Variants in UBE3C observed in about 807,000 individuals in gnomAD.
UBE3C encodes the protein ubiquitin protein ligase E3C.
Under a neutral mutation model 129.4 loss-of-function variants are expected in UBE3C, and 42 were observed. The observed-to-expected ratio is 0.32, with a 90% CI of 0.25 to 0.42. The LOEUF is 0.42. Ranked by LOEUF, UBE3C falls within the 10% of genes least tolerant of loss-of-function variation. UBE3C has a pLI of 1.00. For missense variants in UBE3C, 1,049 were observed against 1,319.1 expected (o/e 0.80, Z 3.17); for synonymous variants, 510 against 492.4 (o/e 1.04, Z -0.47).
intron 1 of UBE3C, among the ~76,000 whole-genome samples, chr7:157,146,229 A>G (rs1807600009): frequency 1.3e-5 from 2 of 151,750 alleles, no homozygotes; most frequent in Admixed American, 1.3e-4. Context: ...AGTTGGCTAT[A>G]TTTTTATGGA....
At chr7:157,171,145 A>G (rs1203331382) in intron 4 of UBE3C, among the ~76,000 whole-genome samples, 3 of 152,006 alleles carry the variant, frequency 2.0e-5, no homozygotes, top group Non-Finnish European at 4.4e-5. Flanking sequence ...GCACTGAGGG[A>G]GTAGAGCCTT....
intron 10 of UBE3C, among the ~76,000 whole-genome samples, chr7:157,200,435 A>G (rs1809248935): frequency 6.6e-6 from 1 of 152,202 alleles, no homozygotes; most frequent in Non-Finnish European, 1.5e-5. Flanking sequence ...CCAATCAAAT[A>G]TGAGATTTTT....
At chr7:157,253,254 C>G (rs1205671888) in intron 19 of UBE3C, among the ~76,000 whole-genome samples, 7 of 152,212 alleles carry the variant, frequency 4.6e-5, no homozygotes, top group Non-Finnish European at 4.4e-5. Context: ...ACTTGTCTGT[C>G]ATACAAGTGG....
At position 157,267,800 on chromosome 7, in the gene UBE3C, TC is replaced by T. The variant is rs1797121369; in HGVS notation, c.*46del. 1.3e-6 allele frequency: 2 copies of T among 1,508,708 alleles called. No homozygotes were observed. The highest frequency in any genetic ancestry group is 4.8e-5 in the East Asian group (2 of 41,300). 93.5% of individuals were successfully genotyped at this position (1,508,708 alleles called of 1,614,324 possible). On this transcript the variant is annotated 3_prime_UTR_variant, in exon 23 of 23. Coordinates refer to ENST00000348165, the MANE Select transcript of UBE3C (RefSeq NM_014671.3). ...CCCCTACAGAGAACCAGTGCTTCCT[TC>T]GTCAGCAGCGCCTCCCCAGACCCAC...
Position 157,201,637 on chromosome 7 carries a change from C to CTT in UBE3C, c.1332-64_1332-63dup, listed in dbSNP as rs10713758. On this transcript the variant is annotated intron_variant, in intron 10 of 22. Coordinates refer to ENST00000348165, the MANE Select transcript of UBE3C (RefSeq NM_014671.3). ...TTGTACGTTGATCTTCAGTGTATCG[C>CTT]TTTTTTTTTTTTTTTTTTTTTAAGA... 3.3e-3 allele frequency: 744 copies of CTT among 222,980 alleles called. 10 individuals carry two copies. The highest frequency in any genetic ancestry group is 0.016 in the African/African-American group (301 of 18,934). 13.8% of individuals were successfully genotyped at this position (222,980 alleles called of 1,614,324 possible). A position where few individuals can be genotyped will look rare whatever the true frequency, so the allele number is the denominator to read the frequency against.
intron 4 of UBE3C, among the ~76,000 whole-genome samples, chr7:157,174,332 G>A (rs1297202645): frequency 6.6e-6 from 1 of 152,150 alleles, no homozygotes; most frequent in Non-Finnish European, 1.5e-5. Context: ...ACAGATTTCT[G>A]ATATTTGCAA....
intron 16 of UBE3C, 134 bp from the exon 17 acceptor site, chr7:157,225,273 T>G (rs1419070973): frequency 2.1e-6 from 2 of 973,894 alleles, no homozygotes; most frequent in Non-Finnish European, 2.9e-6. Flanking sequence ...AAAATCAAGA[T>G]TTGATACCTT....
At chr7:157,184,665 G>C (rs184892454) in intron 9 of UBE3C, among the ~76,000 whole-genome samples, 16 of 152,280 alleles carry the variant, frequency 1.1e-4, no homozygotes, top group African/African-American at 2.9e-4. Flanking sequence ...TTACTACTAA[G>C]TGTAATCACA....
intron 10 of UBE3C, among the ~76,000 whole-genome samples, chr7:157,193,287 T>TCAG (rs3839845): frequency 0.49 from 74,124 of 151,884 alleles, 21,284 homozygotes; most frequent in African/African-American, 0.81. Flanking sequence ...AAGAAAAATT[T>TCAG]CAGAAGAACA....
intron 18 of UBE3C, among the ~76,000 whole-genome samples, chr7:157,244,380 G>T (rs190349952): frequency 6.6e-6 from 1 of 152,086 alleles, no homozygotes; most frequent in Non-Finnish European, 1.5e-5. Flanking sequence ...ATTAAATAGC[G>T]TGTTGCTATT....
chr7:157,177,723 C>T (rs1808558730), intron 5 of UBE3C, among the ~76,000 whole-genome samples: 1 of 152,202 alleles, frequency 6.6e-6, no homozygotes, highest in Admixed American at 6.5e-5. Flanking sequence ...CCCCCTGTCT[C>T]TCCTGGGCTT....
Position 157,206,294 on chromosome 7 carries a change from G to A in UBE3C, c.1419-1104G>A, listed in dbSNP as rs367930481. Among the ~76,000 whole-genome samples the A allele has an allele frequency of 1.2e-3, 178 of 152,146 alleles. 2 individuals are homozygous for A. The highest frequency in any genetic ancestry group is 3.5e-3 in the African/African-American group (144 of 41,518). On this transcript the variant is annotated intron_variant, in intron 11 of 22. Transcript: ENST00000348165. ...TTATTTTTTTTGGAAACGGAGTCTC[G>A]CCCTGTTGCCCAGGCTGGAGTGCAA... is the stretch of plus-strand genomic sequence containing the variant.
chr7:157,171,499 C>T (rs1808364731), intron 4 of UBE3C, among the ~76,000 whole-genome samples: 1 of 151,440 alleles, frequency 6.6e-6, no homozygotes, highest in Admixed American at 6.6e-5. Flanking sequence ...GGCTGTTGAT[C>T]TTATCAGTGC....
intron 2 of UBE3C, 123 bp from the exon 3 acceptor site, chr7:157,168,925 A>G: frequency 1.4e-6 from 1 of 711,060 alleles, no homozygotes; most frequent in Non-Finnish European, 2.4e-6. Flanking sequence ...TTACCTTTTA[A>G]AGAATGAATT....
Position 157,253,950 on chromosome 7 carries a change from C to T in UBE3C, c.2695-4C>T, listed in dbSNP as rs1280998263. On this transcript the variant is annotated splice_region_variant and splice_polypyrimidine_tract_variant and intron_variant, in intron 19 of 22. Coordinates refer to ENST00000348165, the MANE Select transcript of UBE3C (RefSeq NM_014671.3). ...TTTGAGATCCTTACGTTTTGTATTC[C>T]CAGGTAGTTGAACTAAAATTCGGTG... 1 of 1,572,550 alleles carries T rather than the reference C, an allele frequency of 6.4e-7. No homozygotes were observed. The highest frequency in any genetic ancestry group is 1.8e-5 in the Admixed American group (1 of 54,658).
chr7:157,158,789 A>G (rs2116843682), intron 1 of UBE3C, among the ~76,000 whole-genome samples: 1 of 152,264 alleles, frequency 6.6e-6, no homozygotes, highest in African/African-American at 2.4e-5. Context: ...CGTCAATTAG[A>G]AGAAATGCTT....
intron 1 of UBE3C, among the ~76,000 whole-genome samples, chr7:157,157,384 G>A (rs1388714408): frequency 6.6e-6 from 1 of 152,148 alleles, no homozygotes; most frequent in East Asian, 1.9e-4. Context: ...ATGATTATTT[G>A]TAGAACAAGA....
Position 157,192,805 on chromosome 7 carries a change from C to T in UBE3C, c.1331+5784C>T, listed in dbSNP as rs139160520. On this transcript the variant is annotated intron_variant, in intron 10 of 22. Coordinates refer to ENST00000348165, the MANE Select transcript of UBE3C (RefSeq NM_014671.3). ...TATTGTGGCAAATGTTGTCTGACTA[C>T]TGCTTCAACAAACCAGAAGACAAGT... 5.1e-4 allele frequency: 661 copies of T among 1,294,372 alleles called. 2 individuals are homozygous for T. In the African/African-American group the frequency reaches 6.8e-3, roughly 13 times the overall value. 80.2% of individuals were successfully genotyped at this position (1,294,372 alleles called of 1,614,324 possible).
chr7:157,156,814 G>A (rs1807922967), intron 1 of UBE3C, among the ~76,000 whole-genome samples: 1 of 151,482 alleles, frequency 6.6e-6, no homozygotes. Flanking sequence ...CTGATCAGTA[G>A]ATAGATCTAC....
Sources: allele counts gnomAD v4.1 joint callset (sites outside exome capture counted in the v4.1 genomes callset), GRCh38; gene constraint gnomAD v4.1.1; transcripts MANE v1.5; gene names NCBI Gene and HGNC (gene_info 2026-07-23, HGNC 2026-07-21).